The following SEC31B variants were observed in gnomAD, a reference collection of about 807,000 sequenced individuals.
SEC31B encodes the protein protein transport protein Sec31B.
In SEC31B, 113 loss-of-function variants were observed where a neutral mutation model predicts 135.0. The ratio of observed to expected loss-of-function variants is 0.84; its 90% CI spans 0.72 to 0.98. SEC31B has a LOEUF of 0.98. Among genes scored for constraint, SEC31B ranks in the 50% least tolerant of loss-of-function variants. The probability of loss-of-function intolerance (pLI) is 0.00; values close to 1 mark genes in which losing one functional copy is unlikely to be tolerated. For missense variants in SEC31B, 1,296 were observed against 1,421.1 expected (o/e 0.91, Z 1.42); for synonymous variants, 508 against 549.4 (o/e 0.92, Z 1.05).
intron 1 of SEC31B, among the ~76,000 whole-genome samples, chr10:100,518,717 C>G (rs200899143): frequency 1.3e-5 from 2 of 152,180 alleles, no homozygotes; most frequent in Non-Finnish European, 1.5e-5. Flanking sequence ...AGCTTGGGAC[C>G]TACTGTGACC....
chr10:100,506,970 A>G (rs940269884), intron 7 of SEC31B, among the ~76,000 whole-genome samples: 1 of 152,180 alleles, frequency 6.6e-6, no homozygotes, highest in Non-Finnish European at 1.5e-5. Context: ...GTCTAAAAAA[A>G]TAAAGGTACC....
In SEC31B at chr10:100,490,350, G is replaced by A. The variant is rs568594537; in HGVS notation, c.2651-28C>T. ...GAAGCAGAACAGAAATAGGTCATTT[G>A]TCACTAAACTTCATTTCAGGAGCAA... On this transcript the variant is annotated intron_variant, in intron 20 of 25. Transcript: ENST00000370345. 63 of 1,593,434 alleles carry A rather than the reference G, an allele frequency of 4.0e-5. 1 individual carries two copies. The South Asian group carries it at 6.9e-4, about 18-fold the overall frequency.
intron 19 of SEC31B, among the ~76,000 whole-genome samples, chr10:100,492,176 A>C (rs1288849196): frequency 6.6e-6 from 1 of 152,190 alleles, no homozygotes; most frequent in East Asian, 1.9e-4. Flanking sequence ...GAAATATTGA[A>C]TGTTTTTCCT....
chr10:100,497,343 T>C (rs1362797824), intron 16 of SEC31B, 63 bp from the exon 17 acceptor site: 6 of 1,593,382 alleles, frequency 3.8e-6, no homozygotes, highest in Non-Finnish European at 4.3e-6. Context: ...CTTCTCCTGT[T>C]TGGAAACAGG....
intron 12 of SEC31B, 126 bp downstream of exon 12, chr10:100,499,398 C>A: frequency 9.1e-7 from 1 of 1,101,872 alleles, no homozygotes; most frequent in Non-Finnish European, 1.3e-6. Flanking sequence ...AAACAAACTC[C>A]AGGATGTAAA....
chr10:100,508,047 G>A lies in SEC31B; in HGVS notation c.500C>T (p.Pro167Leu). ...PMTLGSKSQQ[P>L]PEDIKALSWN... ...AGACAGTGCCTTGATGTCCTCTGGA[G>A]GCTGCTAAGGCAGGATGGGGACAGA... is the stretch of plus-strand genomic sequence containing the variant. The change falls in exon 6 of 26, where the codon CCT becomes CTT. Residue 167 changes from proline to leucine, a missense_variant. Coordinates refer to ENST00000370345, the MANE Select transcript of SEC31B (RefSeq NM_015490.4). 6.2e-7 allele frequency: 1 copy of A among 1,614,206 alleles called. No individual in the cohort carries two copies.
intron 19 of SEC31B, chr10:100,495,017 G>A (rs1051860913): frequency 3.4e-6 from 1 of 294,244 alleles, no homozygotes; most frequent in Non-Finnish European, 6.6e-6. Flanking sequence ...CAGTAGAGAT[G>A]GGGTTTCACC....
chr10:100,513,715 C>A (rs1487927834), intron 3 of SEC31B, among the ~76,000 whole-genome samples: 3 of 151,940 alleles, frequency 2.0e-5, no homozygotes, highest in African/African-American at 7.3e-5. Flanking sequence ...AGCGATCCAC[C>A]CGTCTCAGCC....
At position 100,509,119 on chromosome 10, in the gene SEC31B, T is replaced by C. The variant is rs781366132; in HGVS notation, c.400-17A>G. 6.2e-7 allele frequency: 1 copy of C among 1,609,014 alleles called. No homozygotes were observed. Among genetic ancestry groups the C allele is most frequent in the South Asian group, 1.1e-5 (1 of 90,956 alleles). On this transcript the variant is annotated splice_polypyrimidine_tract_variant and intron_variant, in intron 4 of 25. Transcript: ENST00000370345. Reference sequence around the variant, plus strand: ...GAGGTTGCCCTGTATGAATAAAAAGTGTTTGGAGACATACCACCCTAGGAA... The same window carrying C: ...GAGGTTGCCCTGTATGAATAAAAAGCGTTTGGAGACATACCACCCTAGGAA...
At chr10:100,506,002 C>CCCT in intron 9 of SEC31B, 38 bp downstream of exon 9, 1 of 1,611,138 alleles carries the variant, frequency 6.2e-7, no homozygotes, top group Non-Finnish European at 8.5e-7. Context: ...ACAGAGACAG[C>CCCT]CCCTTCCCTC....
chr10:100,507,878 C>T lies in SEC31B; in HGVS notation c.639+30G>A, dbSNP rs754495409. On this transcript the variant is annotated intron_variant, in intron 6 of 25. Coordinates refer to ENST00000370345, the MANE Select transcript of SEC31B (RefSeq NM_015490.4). ...TAGGCAGGAGAGAGAAGCCAGAGCC[C>T]AAGCCTGTGTTCTGGCCTCCAATAC... 10 of 1,613,946 alleles carry T rather than the reference C, an allele frequency of 6.2e-6. No individual in the cohort carries two copies. In the South Asian group the frequency reaches 6.6e-5, roughly 11 times the overall value.
chr10:100,495,692 T>C, intron 18 of SEC31B, 146 bp from the exon 19 acceptor site: 1 of 959,766 alleles, frequency 1.0e-6, no homozygotes, highest in Non-Finnish European at 1.6e-6. Flanking sequence ...CTGTTTTGTT[T>C]TGTTTTAGGT....
chr10:100,490,985 C>G (rs1377368006), intron 19 of SEC31B, 102 bp from the exon 20 acceptor site: 5 of 770,828 alleles, frequency 6.5e-6, no homozygotes, highest in Admixed American at 3.9e-5. Context: ...AAAACTAGTT[C>G]TTTGAGGAAA....
At position 100,506,353 on chromosome 10, in the gene SEC31B, G is replaced by A. The variant is rs1455213852; in HGVS notation, c.850C>T (p.Gln284Ter). Residue 284 changes from glutamine (Q) to a stop codon, truncating the protein, a stop_gained, in exon 8 of 26, where the codon CAG becomes TAG. Transcript: ENST00000370345. LOFTEE classifies it high-confidence loss of function. ...CTCCCCAGGTTCCGGCACAAGATCT[G>A]GCTGTCCTTAGCACTAGTGAGCAGC... Reference protein sequence around the residue: ...ELLLTSAKDSQILCRNLGSSE... With the variant: ...ELLLTSAKDS The A allele has an allele frequency of 1.2e-6, 2 of 1,614,138 alleles. No homozygotes were observed. The highest frequency in any genetic ancestry group is 1.7e-5 in the Admixed American group (1 of 60,026).
rs774429313 is a variant in SEC31B, at chr10:100,487,802, A to G, written c.3361-7T>C. On this transcript the variant is annotated splice_region_variant and splice_polypyrimidine_tract_variant and intron_variant, in intron 25 of 25. Coordinates refer to ENST00000370345, the MANE Select transcript of SEC31B (RefSeq NM_015490.4). ...CCACGACATGAGGTGAGAGCTGTGG[A>G]GGGAATGACCCTTAGGTTAGTGAGC... The G allele has an allele frequency of 9.9e-6, 16 of 1,613,832 alleles. No individual in the cohort carries two copies. In the East Asian group the frequency reaches 2.9e-4, roughly 29 times the overall value.
At position 100,487,535 on chromosome 10, in the gene SEC31B, T is replaced by A. The variant is rs1326983331; in HGVS notation, c.*81A>T. The A allele has an allele frequency of 7.8e-7, 1 of 1,281,370 alleles. No homozygotes were observed. The highest frequency in any genetic ancestry group is 1.1e-6 in the Non-Finnish European group (1 of 919,298). The allele number at this position is 1,281,370 out of a possible 1,614,324, so 79.4% of individuals were successfully genotyped here. On this transcript the variant is annotated 3_prime_UTR_variant, in exon 26 of 26. Transcript: ENST00000370345. ...AAAGAGTCGGGAAAAAGAAACAGAA[T>A]CTGTTGCAGAAGTCCCCTCTTCTGC...
chr10:100,511,615 AAAAG>A (rs1447570171), intron 3 of SEC31B, among the ~76,000 whole-genome samples: 1 of 152,250 alleles, frequency 6.6e-6, no homozygotes, highest in Non-Finnish European at 1.5e-5. Flanking sequence ...ATTTTTTTAA[AAAAG>A]AAAGAAATAT....
chr10:100,499,136 A>T, intron 13 of SEC31B, 24 bp downstream of exon 13: 2 of 1,597,390 alleles, frequency 1.3e-6, no homozygotes, highest in Non-Finnish European at 1.7e-6. Context: ...ACCATAGGTC[A>T]GGCTGACTGG....
chr10:100,506,055 C>T lies in SEC31B; in HGVS notation c.1029G>A (p.Met343Ile), dbSNP rs772798345. Residue 343 changes from methionine (M) to isoleucine (I), a missense_variant, in exon 9 of 26, where the codon ATG (methionine) becomes ATA (isoleucine). By Grantham distance (10) the Met-to-Ile change is conservative (BLOSUM62 1). Coordinates refer to ENST00000370345, the MANE Select transcript of SEC31B (RefSeq NM_015490.4). ...CCCTTCAAACCTTGTCAGCCTGTCTCATATGCTGGACTTCCCAGCTCCTAC... is the reference window on the plus strand; with the variant it reads ...CCCTTCAAACCTTGTCAGCCTGTCTTATATGCTGGACTTCCCAGCTCCTAC... ...VMGRSWEVQH[M>I]RQADKISSSF... The T allele has an allele frequency of 5.6e-6, 9 of 1,613,988 alleles. No homozygotes were observed. Among genetic ancestry groups the T allele is most frequent in the Non-Finnish European group, 7.6e-6 (9 of 1,180,020 alleles).
Sources: allele counts gnomAD v4.1 joint callset (sites outside exome capture counted in the v4.1 genomes callset), GRCh38; gene constraint gnomAD v4.1.1; transcripts MANE v1.5; gene names NCBI Gene and HGNC (gene_info 2026-07-23, HGNC 2026-07-21).